The following BABAM2 variants were observed in gnomAD, a reference collection of about 807,000 sequenced individuals.
BABAM2 encodes BRISC and BRCA1-A complex member 2.
Under a neutral mutation model 54.7 loss-of-function variants are expected in BABAM2, and 31 were observed. That is an observed-to-expected ratio of 0.57 (90% CI 0.43 to 0.77). The LOEUF (loss-of-function observed/expected upper bound fraction) is 0.77. BABAM2 is among the 30% of genes least tolerant of loss of function. The pLI is 0.00. For synonymous variants in BABAM2, 167 were observed against 162.9 expected (o/e 1.03, Z -0.19); for missense variants, 364 against 455.8 (o/e 0.80, Z 1.83).
intron 4 of BABAM2, among the ~76,000 whole-genome samples, chr2:28,009,902 A>G (rs1396308371): frequency 1.3e-5 from 2 of 152,134 alleles, no homozygotes; most frequent in South Asian, 2.1e-4. Context: ...CAGCATTCAT[A>G]TGATACCACA....
chr2:28,165,672 T>C (rs886276671), intron 7 of BABAM2, among the ~76,000 whole-genome samples: 2 of 151,592 alleles, frequency 1.3e-5, no homozygotes, highest in Non-Finnish European at 2.9e-5. Flanking sequence ...GTAGCTGGGA[T>C]TACAGGCATG....
intron 11 of BABAM2, among the ~76,000 whole-genome samples, chr2:28,306,116 T>C (rs565248860): frequency 4.6e-5 from 7 of 152,314 alleles, no homozygotes; most frequent in African/African-American, 1.7e-4. Context: ...CTTTGGAATT[T>C]GTTGAGAATT....
chr2:28,274,864 C>T (rs749801702), intron 10 of BABAM2, among the ~76,000 whole-genome samples: 1 of 152,114 alleles, frequency 6.6e-6, no homozygotes, highest in Non-Finnish European at 1.5e-5. Flanking sequence ...AAAAGAGAAA[C>T]TTAGGAGAGG....
At chr2:28,153,638 G>A (rs1283878850) in intron 7 of BABAM2, among the ~76,000 whole-genome samples, 1 of 152,196 alleles carries the variant, frequency 6.6e-6, no homozygotes, top group Admixed American at 6.5e-5. Context: ...TGCTTCTCAA[G>A]AATGTTGTCA....
intron 7 of BABAM2, among the ~76,000 whole-genome samples, chr2:28,161,074 T>C (rs889593288): frequency 1.3e-5 from 2 of 152,174 alleles, no homozygotes; most frequent in African/African-American, 2.4e-5. Context: ...TTCCAACAGA[T>C]TCCCTTTACA....
intron 10 of BABAM2, among the ~76,000 whole-genome samples, chr2:28,260,335 T>A (rs1470188258): frequency 6.8e-6 from 1 of 147,536 alleles, no homozygotes; most frequent in Non-Finnish European, 1.5e-5. Flanking sequence ...GGAGTCTTGC[T>A]CTATCATCCA....
chr2:28,109,289 T>C (rs1350342320), intron 6 of BABAM2, among the ~76,000 whole-genome samples: 2 of 149,548 alleles, frequency 1.3e-5, no homozygotes, highest in African/African-American at 4.9e-5. Flanking sequence ...CCTGGGTTCA[T>C]GCCATTCTCC....
chr2:28,115,620 G>A (rs895333987), intron 6 of BABAM2, among the ~76,000 whole-genome samples: 1 of 151,268 alleles, frequency 6.6e-6, no homozygotes, highest in Non-Finnish European at 1.5e-5. Context: ...AGCAAGAATC[G>A]TCTCAAAAAA....
At chr2:28,141,070 C>G (rs1671009344) in intron 7 of BABAM2, among the ~76,000 whole-genome samples, 1 of 152,122 alleles carries the variant, frequency 6.6e-6, no homozygotes, top group South Asian at 2.1e-4. Context: ...GGACTCTACC[C>G]TCATGACCTT....
At chr2:27,955,753 G>A (rs1229397185) in intron 3 of BABAM2, among the ~76,000 whole-genome samples, 1 of 152,146 alleles carries the variant, frequency 6.6e-6, no homozygotes, top group African/African-American at 2.4e-5. Flanking sequence ...TCAGCATTGG[G>A]TAAGACTATT....
chr2:28,150,320 TG>T (rs1402601571), intron 7 of BABAM2, among the ~76,000 whole-genome samples: 1 of 152,188 alleles, frequency 6.6e-6, no homozygotes, highest in Admixed American at 6.5e-5. Context: ...CTGTCCCACA[TG>T]GCTTCCTCTT....
intron 2 of BABAM2, among the ~76,000 whole-genome samples, chr2:27,913,606 C>T (rs1666760643): frequency 6.6e-6 from 1 of 152,232 alleles, no homozygotes; most frequent in East Asian, 1.9e-4. Flanking sequence ...TATATACACA[C>T]ACCAAAGAAT....
At chr2:27,979,127 A>G (rs1293747704) in intron 3 of BABAM2, among the ~76,000 whole-genome samples, 1 of 150,884 alleles carries the variant, frequency 6.6e-6, no homozygotes. Flanking sequence ...CCCTGGATTC[A>G]AGCAATTCTC....
intron 10 of BABAM2, among the ~76,000 whole-genome samples, chr2:28,248,669 G>A (rs1417312207): frequency 6.6e-6 from 1 of 152,190 alleles, no homozygotes; most frequent in Non-Finnish European, 1.5e-5. Flanking sequence ...GTCTACAGGA[G>A]CAGAGTTGCT....
chr2:28,048,597 T>C (rs1677774650), intron 6 of BABAM2, among the ~76,000 whole-genome samples: 1 of 152,218 alleles, frequency 6.6e-6, no homozygotes, highest in Non-Finnish European at 1.5e-5. Context: ...CCTCTTCTTC[T>C]GTGGTCTGTA....
At chr2:28,043,174 G>A (rs1481318022) in intron 5 of BABAM2, among the ~76,000 whole-genome samples, 1 of 150,472 alleles carries the variant, frequency 6.6e-6, no homozygotes, top group Non-Finnish European at 1.5e-5. Flanking sequence ...TGTCGCCCAG[G>A]CTAGAGTGCA....
intron 10 of BABAM2, among the ~76,000 whole-genome samples, chr2:28,252,475 C>T (rs553572707): frequency 1.2e-4 from 18 of 152,316 alleles, no homozygotes; most frequent in African/African-American, 4.1e-4. Flanking sequence ...GCACACCCTT[C>T]GCCCGGTTTA....
intron 3 of BABAM2, among the ~76,000 whole-genome samples, chr2:27,943,070 C>T (rs1210529566): frequency 1.3e-5 from 2 of 152,102 alleles, no homozygotes; most frequent in Admixed American, 6.6e-5. Context: ...GGATTGCAGG[C>T]GTGAGCCACT....
At chr2:28,208,395 A>G (rs965935664) in intron 7 of BABAM2, among the ~76,000 whole-genome samples, 3 of 152,204 alleles carry the variant, frequency 2.0e-5, no homozygotes. Flanking sequence ...TAAATTTTGT[A>G]TTGTTGTTTA....
Sources: allele counts gnomAD v4.1 joint callset (sites outside exome capture counted in the v4.1 genomes callset), GRCh38; gene constraint gnomAD v4.1.1; transcripts MANE v1.5; gene names NCBI Gene and HGNC (gene_info 2026-07-23, HGNC 2026-07-21).